The following FAM171A1 variants were observed in gnomAD, a reference collection of about 807,000 sequenced individuals.
The protein encoded by FAM171A1 is protein FAM171A1.
In FAM171A1, 23 loss-of-function variants were observed where a neutral mutation model predicts 74.9. The ratio of observed to expected loss-of-function variants is 0.31; its 90% CI spans 0.22 to 0.44. The LOEUF is 0.44. Ranked by LOEUF, FAM171A1 falls within the 20% of genes least tolerant of loss-of-function variation. The pLI, the probability that FAM171A1 is intolerant of heterozygous loss-of-function variation, is 1.00. For synonymous variants in FAM171A1, 527 were observed against 505.7 expected (o/e 1.04, Z -0.57); for missense variants, 1,162 against 1,159.2 (o/e 1.00, Z -0.03).
intron 5 of FAM171A1, among the ~76,000 whole-genome samples, chr10:15,245,717 C>A (rs771202603): frequency 6.6e-6 from 1 of 152,112 alleles, no homozygotes; most frequent in Middle Eastern, 3.4e-3. Flanking sequence ...CCACACTCTC[C>A]GCTGCTTCTC....
intron 1 of FAM171A1, among the ~76,000 whole-genome samples, chr10:15,320,335 A>T (rs1046650684): frequency 6.6e-6 from 1 of 152,200 alleles, no homozygotes; most frequent in African/African-American, 2.4e-5. Flanking sequence ...ATTCCATGGC[A>T]TATATGTACC....
chr10:15,321,421 T>C (rs141381821), intron 1 of FAM171A1, among the ~76,000 whole-genome samples: 550 of 152,266 alleles, frequency 3.6e-3, no homozygotes, highest in African/African-American at 0.013. Context: ...CACTTAACAA[T>C]GAGAAGTCCA....
At chr10:15,278,881 T>C (rs1306375420) in intron 2 of FAM171A1, among the ~76,000 whole-genome samples, 1 of 152,164 alleles carries the variant, frequency 6.6e-6, no homozygotes, top group Non-Finnish European at 1.5e-5. Context: ...GGTAAACTAT[T>C]ATCAGCGATC....
chr10:15,225,087 A>C (rs1295820801), intron 5 of FAM171A1, among the ~76,000 whole-genome samples: 15 of 152,204 alleles, frequency 9.9e-5, no homozygotes, highest in Admixed American at 9.8e-4. Flanking sequence ...TGCCAAAAAC[A>C]CACGTTGCCT....
chr10:15,307,588 G>A (rs1444019285), intron 1 of FAM171A1, among the ~76,000 whole-genome samples: 2 of 146,050 alleles, frequency 1.4e-5, no homozygotes, highest in African/African-American at 5.1e-5. Context: ...AGAGGTTGCA[G>A]TGAGCCGAGA....
At chr10:15,367,186 G>A (rs962792414) in intron 1 of FAM171A1, among the ~76,000 whole-genome samples, 7 of 149,492 alleles carry the variant, frequency 4.7e-5, no homozygotes, top group African/African-American at 7.5e-5. Flanking sequence ...GCGACAGAGC[G>A]AGACTCCATC....
chr10:15,369,042 C>T (rs970126748), intron 1 of FAM171A1, among the ~76,000 whole-genome samples: 9 of 152,086 alleles, frequency 5.9e-5, no homozygotes, highest in African/African-American at 2.2e-4. Context: ...CTTGATCTCC[C>T]ACTCCAACCA....
chr10:15,330,713 C>CTTTTTTTT (rs898772126), intron 1 of FAM171A1, among the ~76,000 whole-genome samples: 26 of 76,750 alleles, frequency 3.4e-4, no homozygotes, highest in Admixed American at 4.1e-4. Flanking sequence ...TCTTCTTCTT[C>CTTTTTTTT]TTTTTTTTTT....
chr10:15,277,304 G>T (rs1423582950), intron 2 of FAM171A1, among the ~76,000 whole-genome samples: 5 of 152,068 alleles, frequency 3.3e-5, no homozygotes, highest in Non-Finnish European at 7.4e-5. Flanking sequence ...TGCAACCTCC[G>T]CCTCGCAGGT....
chr10:15,360,044 T>C (rs7895019), intron 1 of FAM171A1, among the ~76,000 whole-genome samples: 91,181 of 152,030 alleles, frequency 0.6, 27,360 homozygotes, highest in East Asian at 0.76. Flanking sequence ...AAGCGATCCT[T>C]CCACCTCAGC....
At chr10:15,338,320 C>T (rs984183245) in intron 1 of FAM171A1, among the ~76,000 whole-genome samples, 2 of 152,150 alleles carry the variant, frequency 1.3e-5, no homozygotes, top group Non-Finnish European at 2.9e-5. Flanking sequence ...TATGCTCTTT[C>T]CCAACAGTAT....
chr10:15,296,369 C>T (rs913822098), intron 1 of FAM171A1, among the ~76,000 whole-genome samples: 4 of 151,964 alleles, frequency 2.6e-5, no homozygotes, highest in African/African-American at 9.7e-5. Flanking sequence ...CATAATATAT[C>T]ATATACTTTA....
At chr10:15,370,232 G>A (rs1186714662) in intron 1 of FAM171A1, among the ~76,000 whole-genome samples, 1 of 146,596 alleles carries the variant, frequency 6.8e-6, no homozygotes, top group Non-Finnish European at 1.5e-5. Context: ...GATCTGGAAA[G>A]GATTTTTCTT....
At chr10:15,288,007 C>A (rs904372303) in intron 1 of FAM171A1, among the ~76,000 whole-genome samples, 3 of 152,194 alleles carry the variant, frequency 2.0e-5, no homozygotes, top group Non-Finnish European at 4.4e-5. Flanking sequence ...GGAGTGAGAA[C>A]AAACGATGTT....
At chr10:15,367,199 A>AAAACAAAC (rs139900551) in intron 1 of FAM171A1, among the ~76,000 whole-genome samples, 23,662 of 151,508 alleles carry the variant, frequency 0.16, 1,866 homozygotes, top group Admixed American at 0.2. Flanking sequence ...ACTCCATCTC[A>AAAACAAAC]AAACAAACAA....
chr10:15,289,651 T>TGACCTCTCCCTGTCTCCCTCAAACCCTTC (rs1835079929), intron 1 of FAM171A1, among the ~76,000 whole-genome samples: 1 of 152,204 alleles, frequency 6.6e-6, no homozygotes, highest in East Asian at 1.9e-4. Context: ...TACACTCAGC[T>TGACCTCTCCCTGTCTCCCTCAAACCCTTC]GACCTCTCCC....
At position 15,213,694 on chromosome 10, in the gene FAM171A1, G is replaced by C. The variant is rs761364473; in HGVS notation, c.1894C>G (p.Gln632Glu). Residue 632 changes from glutamine (Q) to glutamate (E), a missense_variant, in exon 8 of 8, where the codon CAG becomes GAG. Coordinates refer to ENST00000378116, the MANE Select transcript of FAM171A1 (RefSeq NM_001010924.2). This position sits in a 1 kb window ranked among gnomAD's most constrained non-coding sequence, Gnocchi z 6.8. ...GAAGACAGGGGCTGGGGCTGGATCTGTGAGGACGGGTGTGGGAAGATCCCG... is the reference window on the plus strand; with the variant it reads ...GAAGACAGGGGCTGGGGCTGGATCTCTGAGGACGGGTGTGGGAAGATCCCG... ...HAGIFPHPSSQIQPQPLSSQA... is the reference protein window; with the variant it reads ...HAGIFPHPSSEIQPQPLSSQA... 16 of 1,612,444 alleles carry C rather than the reference G, an allele frequency of 9.9e-6. No individual in the cohort carries two copies. The Admixed American group carries it at 2.2e-4, about 22-fold the overall frequency.
intron 1 of FAM171A1, among the ~76,000 whole-genome samples, chr10:15,363,591 C>T (rs528058663): frequency 6.1e-4 from 93 of 152,304 alleles, no homozygotes; most frequent in African/African-American, 1.9e-3. Context: ...AGCTTCTCTG[C>T]AGCTTTAAGT....
intron 5 of FAM171A1, among the ~76,000 whole-genome samples, chr10:15,226,772 G>C (rs1052075148): frequency 6.6e-6 from 1 of 152,058 alleles, no homozygotes; most frequent in Non-Finnish European, 1.5e-5. Flanking sequence ...GTTTGCTCTT[G>C]CGCTGAATAC....
Sources: gnomAD v4.1 joint callset for allele counts (sites outside exome capture counted in the v4.1 genomes callset) on GRCh38, gnomAD v4.1.1 for gene constraint, Gnocchi (gnomAD v3.1) non-coding constraint, MANE v1.5 for transcripts, NCBI Gene and HGNC (gene_info 2026-07-23, HGNC 2026-07-21) for gene names.